SLC14A2: variants seen among roughly 807,000 people sequenced by gnomAD.
The protein encoded by SLC14A2 is urea transporter 2.
A neutral mutation model predicts 104.6 loss-of-function variants in SLC14A2; 91 were observed. The ratio of observed to expected loss-of-function variants is 0.87; its 90% CI spans 0.73 to 1.04. The LOEUF (loss-of-function observed/expected upper bound fraction) is 1.04. Among genes scored for constraint, SLC14A2 ranks in the 50% least tolerant of loss-of-function variants. The pLI is 0.00. For synonymous variants in SLC14A2, 476 were observed against 466.4 expected (o/e 1.02, Z -0.27); for missense variants, 1,189 against 1,156.0 (o/e 1.03, Z -0.41).
At chr18:45,177,337 A>T in the SLC14A2 span, among the ~76,000 whole-genome samples, 2 of 152,180 alleles carry the variant, frequency 1.3e-5, no homozygotes, top group African/African-American at 4.8e-5. Flanking sequence ...CTAGCATATC[A>T]ATCACTACAC....
intron 1 of SLC14A2, among the ~76,000 whole-genome samples, chr18:45,282,489 T>C (rs1047702130): frequency 6.6e-6 from 1 of 152,128 alleles, no homozygotes; most frequent in African/African-American, 2.4e-5. Flanking sequence ...TGTGTGCTTG[T>C]CCTTACCTCT....
chr18:45,230,011 A>G (rs2084158970), intron 1 of SLC14A2, among the ~76,000 whole-genome samples: 1 of 152,188 alleles, frequency 6.6e-6, no homozygotes, highest in Non-Finnish European at 1.5e-5. Flanking sequence ...TATCTCAAAC[A>G]TTACATAATT....
intron 1 of SLC14A2, among the ~76,000 whole-genome samples, chr18:45,278,794 T>C (rs1323753237): frequency 1.3e-5 from 2 of 152,156 alleles, no homozygotes; most frequent in Non-Finnish European, 2.9e-5. Context: ...ACCCGTGTTG[T>C]TCAAGGGTAA....
At chr18:45,472,857 C>T (rs2087278083) in intron 1 of SLC14A2, among the ~76,000 whole-genome samples, 1 of 152,144 alleles carries the variant, frequency 6.6e-6, no homozygotes, top group Non-Finnish European at 1.5e-5. Context: ...GTTTCTTTTG[C>T]TGTGCAGAAG....
intron 1 of SLC14A2, among the ~76,000 whole-genome samples, chr18:45,615,860 G>A (rs969757683): frequency 1.4e-3 from 205 of 145,562 alleles, no homozygotes; most frequent in African/African-American, 5.1e-3. Context: ...AGAGAGAGAG[G>A]GAGAGAGAGA....
chr18:45,532,732 A>G (rs1362407406), intron 2 of SLC14A2, among the ~76,000 whole-genome samples: 3 of 152,074 alleles, frequency 2.0e-5, no homozygotes, highest in Non-Finnish European at 4.4e-5. Flanking sequence ...TTCCAACACT[A>G]TGTTGAATAG....
rs187781991 is a variant in SLC14A2, at chr18:45,604,622, T to C, written c.-34-20009T>C. Among the ~76,000 whole-genome samples the C allele has an allele frequency of 1.6e-4, 24 of 152,308 alleles. No individual in the cohort carries two copies. In the East Asian group the frequency reaches 4.0e-3, roughly 26 times the overall value. On this transcript the variant is annotated intron_variant, in intron 2 of 20. Coordinates refer to the SLC14A2 transcript ENST00000586448. ...ACCAAGCATGTGCCTACTTCAGTGG[T>C]CTCCAAATTTCTTTACTGTGCAATT...
At chr18:45,472,948 G>C (rs982399528) in intron 1 of SLC14A2, among the ~76,000 whole-genome samples, 1 of 152,108 alleles carries the variant, frequency 6.6e-6, no homozygotes, top group Non-Finnish European at 1.5e-5. Flanking sequence ...TGAAGTCTTT[G>C]CCCATGCCTA....
rs1599151800 is a variant in SLC14A2 at position 45,668,000 on chromosome 18, G to C, written c.1885G>C (p.Ala629Pro). 1.2e-6 allele frequency: 2 copies of C among 1,614,110 alleles called. No individual in the cohort carries two copies. Among genetic ancestry groups the C allele is most frequent in the Middle Eastern group, 1.6e-4 (1 of 6,062 alleles). ...GGGTACCATCATGTCCACCTTGACA[G>C]CCCTCATCCTGAGTCAGGACAAGTA... ...CLGTIMSTLT[A>P]LILSQDKSAI... The change falls in exon 14 of 20, where the codon GCC (alanine) becomes CCC (proline). Residue 629 changes from alanine to proline, a missense_variant. Coordinates refer to ENST00000255226, the MANE Select transcript of SLC14A2 (RefSeq NM_007163.4).
chr18:45,188,519 A>G, the SLC14A2 span, among the ~76,000 whole-genome samples: 1 of 152,158 alleles, frequency 6.6e-6, no homozygotes, highest in Non-Finnish European at 1.5e-5. Flanking sequence ...TTATCTCTGT[A>G]TTCCAGCTAT....
At chr18:45,328,769 T>C (rs1293267686) in intron 1 of SLC14A2, among the ~76,000 whole-genome samples, 1 of 152,214 alleles carries the variant, frequency 6.6e-6, no homozygotes, top group Non-Finnish European at 1.5e-5. Context: ...AATTGGTTTT[T>C]ATGAAAAGCA....
intron 1 of SLC14A2, among the ~76,000 whole-genome samples, chr18:45,377,249 A>ATT (rs113391997): frequency 0.026 from 3,701 of 144,650 alleles, 154 homozygotes; most frequent in African/African-American, 0.086. Context: ...CTCAGGGGTG[A>ATT]TTTTTTTTTT....
intron 1 of SLC14A2, among the ~76,000 whole-genome samples, chr18:45,458,322 G>A (rs897759628): frequency 2.6e-5 from 4 of 151,246 alleles, no homozygotes; most frequent in African/African-American, 9.7e-5. Flanking sequence ...AGGGGTCAAG[G>A]ACCAGTGATT....
rs368601214 is a variant in SLC14A2, at chr18:45,346,972, TAA to T, written c.-125+133785_-125+133786del. 4.0e-3 allele frequency among the ~76,000 whole-genome samples: 589 copies of T among 146,970 alleles called. 4 individuals are homozygous for T. The highest frequency in any genetic ancestry group is 0.013 in the African/African-American group (508 of 39,202). On this transcript the variant is annotated intron_variant, in intron 1 of 20. Transcript: ENST00000586448. ...ACACAGCGAGACTCAAAAATAAAAA[TAA>T]AAATAAAAATAAATAAATAAATAAA...
At chr18:45,237,049 C>T (rs954046864) in intron 1 of SLC14A2, among the ~76,000 whole-genome samples, 3 of 152,012 alleles carry the variant, frequency 2.0e-5, no homozygotes, top group Non-Finnish European at 4.4e-5. Flanking sequence ...GTGAGGAGAC[C>T]CACTATAGCC....
chr18:45,239,676 C>A (rs954731876), intron 1 of SLC14A2, among the ~76,000 whole-genome samples: 1 of 152,204 alleles, frequency 6.6e-6, no homozygotes, highest in Non-Finnish European at 1.5e-5. Context: ...GAAAAATCTA[C>A]GATGGCTTCA....
At chr18:45,169,744 T>C in the SLC14A2 span, among the ~76,000 whole-genome samples, 34 of 152,196 alleles carry the variant, frequency 2.2e-4, no homozygotes, top group Non-Finnish European at 4.1e-4. Context: ...CCCAGAATGT[T>C]AAGGATAGTC....
intron 1 of SLC14A2, among the ~76,000 whole-genome samples, chr18:45,362,025 G>GTT (rs753930104): frequency 4.6e-5 from 7 of 152,194 alleles, no homozygotes; most frequent in Non-Finnish European, 1.0e-4. Context: ...TCAAGGGAGG[G>GTT]ACCTGGTGGG....
intron 1 of SLC14A2, among the ~76,000 whole-genome samples, chr18:45,387,691 A>G (rs1238038338): frequency 6.6e-6 from 1 of 152,192 alleles, no homozygotes; most frequent in Non-Finnish European, 1.5e-5. Context: ...GACAGGGTCG[A>G]ACTTTATTTC....
Sources: gnomAD v4.1 joint callset for allele counts (sites outside exome capture counted in the v4.1 genomes callset) on GRCh38, gnomAD v4.1.1 for gene constraint, MANE v1.5 for transcripts, NCBI Gene and HGNC (gene_info 2026-07-23, HGNC 2026-07-21) for gene names.